SEMA3A: variants seen among roughly 807,000 people sequenced by gnomAD.
SEMA3A encodes semaphorin-3A.
A neutral mutation model predicts 97.9 loss-of-function variants in SEMA3A; 29 were observed. The ratio of observed to expected loss-of-function variants is 0.30; its 90% CI spans 0.22 to 0.40. The LOEUF (loss-of-function observed/expected upper bound fraction) is 0.40. Among genes scored for constraint, SEMA3A ranks in the 10% least tolerant of loss-of-function variants. SEMA3A has a pLI of 1.00. For synonymous variants in SEMA3A, 321 were observed against 323.7 expected, an observed-to-expected ratio of 0.99 and a Z score of 0.09; for missense variants, 763 against 951.3, an observed-to-expected ratio of 0.80 and a Z score of 2.60.
At chr7:84,453,466 G>C (rs1178030130) in intron 1 of SEMA3A, among the ~76,000 whole-genome samples, 1 of 151,966 alleles carries the variant, frequency 6.6e-6, no homozygotes, top group Non-Finnish European at 1.5e-5. Context: ...TCGATCTCCT[G>C]ACCTCGTGAT....
chr7:84,047,597 A>C (rs1792404624), intron 5 of SEMA3A, among the ~76,000 whole-genome samples: 1 of 152,036 alleles, frequency 6.6e-6, no homozygotes, highest in South Asian at 2.1e-4. Flanking sequence ...CTTCCAGAAA[A>C]CATGTAATTG....
Position 84,026,193 on chromosome 7 carries a change from A to G in SEMA3A, c.668-11842T>C, listed in dbSNP as rs75834043. Among the ~76,000 whole-genome samples the G allele has an allele frequency of 1.2e-3, 177 of 152,252 alleles. 2 individuals are homozygous for G. The East Asian group carries it at 0.029, about 25-fold the overall frequency. On this transcript the variant is annotated intron_variant, in intron 6 of 16. Coordinates refer to ENST00000265362, the MANE Select transcript of SEMA3A (RefSeq NM_006080.3). ...AATACATAAAGTCATCACGAACATC[A>G]CTGTGGTGTGGAGTGCCCTCAACTC...
chr7:84,240,698 C>T (rs951359203), intron 3 of SEMA3A, among the ~76,000 whole-genome samples: 1 of 152,050 alleles, frequency 6.6e-6, no homozygotes, highest in Non-Finnish European at 1.5e-5. Flanking sequence ...TGGTGGTTTG[C>T]TGCACTCATC....
At chr7:84,052,844 G>C (rs1226945765) in intron 5 of SEMA3A, among the ~76,000 whole-genome samples, 1 of 150,790 alleles carries the variant, frequency 6.6e-6, no homozygotes, top group African/African-American at 2.5e-5. Flanking sequence ...TCTCTTGTGG[G>C]CATTTAGTGC....
At chr7:84,049,043 T>C (rs934024695) in intron 5 of SEMA3A, among the ~76,000 whole-genome samples, 3 of 152,116 alleles carry the variant, frequency 2.0e-5, no homozygotes, top group African/African-American at 7.2e-5. Context: ...TATTTCTCTT[T>C]TCACAAAAGG....
chr7:84,020,236 G>C (rs1791279218), intron 6 of SEMA3A, among the ~76,000 whole-genome samples: 1 of 150,002 alleles, frequency 6.7e-6, no homozygotes. Flanking sequence ...GTAGAGATAG[G>C]GTTTCACCAT....
chr7:84,423,274 G>A (rs868196418), intron 1 of SEMA3A, among the ~76,000 whole-genome samples: 20 of 152,152 alleles, frequency 1.3e-4, no homozygotes, highest in Middle Eastern at 3.4e-3. Context: ...CTAGGTTAAT[G>A]TTTGTAAGTT....
intron 1 of SEMA3A, among the ~76,000 whole-genome samples, chr7:84,467,501 T>C (rs1806032104): frequency 7.4e-6 from 1 of 134,378 alleles, no homozygotes; most frequent in African/African-American, 2.9e-5. Context: ...CATTCCAGCC[T>C]GGGTGACAGA....
intron 1 of SEMA3A, among the ~76,000 whole-genome samples, chr7:84,480,077 A>C (rs1032721607): frequency 5.9e-5 from 9 of 152,212 alleles, no homozygotes; most frequent in African/African-American, 9.6e-5. Flanking sequence ...TAATTAGATA[A>C]AGAAGTTTAC....
intron 11 of SEMA3A, among the ~76,000 whole-genome samples, chr7:84,003,092 A>G (rs994974571): frequency 1.3e-5 from 2 of 152,262 alleles, no homozygotes; most frequent in South Asian, 4.1e-4. Context: ...AATCTTGTCA[A>G]CAAAGAATAA....
intron 1 of SEMA3A, among the ~76,000 whole-genome samples, chr7:84,387,314 C>T (rs896439288): frequency 3.3e-5 from 5 of 152,018 alleles, no homozygotes; most frequent in African/African-American, 1.2e-4. Context: ...ATAATAAAGC[C>T]ACACTTGTTT....
chr7:84,344,139 G>A (rs754431563), intron 2 of SEMA3A, among the ~76,000 whole-genome samples: 5 of 152,016 alleles, frequency 3.3e-5, no homozygotes, highest in Non-Finnish European at 7.4e-5. Flanking sequence ...GTTATTCCTG[G>A]CACTGCAATT....
intron 6 of SEMA3A, among the ~76,000 whole-genome samples, chr7:84,014,811 T>C (rs921751826): frequency 6.6e-6 from 1 of 152,060 alleles, no homozygotes. Context: ...ACAAAATAAA[T>C]CCTCTCCTGT....
chr7:84,121,972 C>A, intron 3 of SEMA3A, among the ~76,000 whole-genome samples: 1 of 130,390 alleles, frequency 7.7e-6, no homozygotes, highest in Admixed American at 8.5e-5. Context: ...AATAGTGCCT[C>A]AATAAACATA....
chr7:84,023,806 C>T (rs1052425837), intron 6 of SEMA3A, among the ~76,000 whole-genome samples: 5 of 151,600 alleles, frequency 3.3e-5, no homozygotes, highest in African/African-American at 1.2e-4. Context: ...GTCAGGAGAT[C>T]GAGACCATCC....
At position 84,379,437 on chromosome 7, in the gene SEMA3A, C is replaced by A. The variant is rs143344187; in HGVS notation, c.-245-7537G>T. On this transcript the variant is annotated intron_variant, in intron 1 of 3. Transcript: ENST00000424555. ...AAAAAGTATTGACATCAAGGATAAA[C>A]GTTTCTCAGACTGAATTGTCCCCAT... Among the ~76,000 whole-genome samples the A allele has an allele frequency of 2.9e-3, 447 of 152,170 alleles. 1 individual carries two copies. Among genetic ancestry groups the A allele is most frequent in the African/African-American group, 0.01 (429 of 41,518 alleles).
At chr7:84,239,541 T>A (rs901922626) in intron 3 of SEMA3A, among the ~76,000 whole-genome samples, 7 of 152,178 alleles carry the variant, frequency 4.6e-5, no homozygotes, top group Non-Finnish European at 8.8e-5. Context: ...GAGTCTTGTA[T>A]AATGAATTCA....
At chr7:84,156,979 A>G (rs1796864001) in intron 1 of SEMA3A, among the ~76,000 whole-genome samples, 1 of 152,190 alleles carries the variant, frequency 6.6e-6, no homozygotes, top group Non-Finnish European at 1.5e-5. Flanking sequence ...GATTTAAAAT[A>G]CATGTATAGA....
At chr7:84,464,762 CTA>C (rs1805947858) in intron 1 of SEMA3A, among the ~76,000 whole-genome samples, 1 of 152,070 alleles carries the variant, frequency 6.6e-6, no homozygotes, top group Non-Finnish European at 1.5e-5. Context: ...TTAGGAATAA[CTA>C]AGAAATATAT....
Sources: allele counts gnomAD v4.1 joint callset (sites outside exome capture counted in the v4.1 genomes callset), GRCh38; gene constraint gnomAD v4.1.1; transcripts MANE v1.5; gene names NCBI Gene and HGNC (gene_info 2026-07-23, HGNC 2026-07-21).